Variants in ACTN4 observed in about 807,000 individuals in gnomAD.
ACTN4 encodes alpha-actinin-4.
Under a neutral mutation model 114.2 loss-of-function variants are expected in ACTN4, and 18 were observed. The ratio of observed to expected loss-of-function variants is 0.16; its 90% CI spans 0.11 to 0.23. ACTN4 has a LOEUF of 0.23. ACTN4 is among the 10% of genes least tolerant of loss of function. ACTN4 has a pLI of 1.00. For synonymous variants in ACTN4, 515 were observed against 506.3 expected (o/e 1.02, Z -0.23); for missense variants, 722 against 1,262.9 (o/e 0.57, Z 6.49).
chr19:38,664,421 G>C (rs766950274), intron 1 of ACTN4, among the ~76,000 whole-genome samples: 5 of 152,092 alleles, frequency 3.3e-5, no homozygotes, highest in Admixed American at 2.6e-4. Flanking sequence ...TTAGGGTAGC[G>C]GCGCTTGCCT....
chr19:38,726,116 T>C (rs1250236052), intron 17 of ACTN4, among the ~76,000 whole-genome samples: 1 of 152,064 alleles, frequency 6.6e-6, no homozygotes, highest in Non-Finnish European at 1.5e-5. Flanking sequence ...AGCAAGACCC[T>C]GTCTCTACAA....
At chr19:38,674,232 G>A (rs1224960350) in intron 1 of ACTN4, among the ~76,000 whole-genome samples, 2 of 152,078 alleles carry the variant, frequency 1.3e-5, no homozygotes, top group Non-Finnish European at 1.5e-5. Flanking sequence ...CCTCAGAGAA[G>A]GGAACACTGT....
intron 1 of ACTN4, among the ~76,000 whole-genome samples, chr19:38,668,969 G>C (rs1006202220): frequency 1.1e-4 from 17 of 152,206 alleles, no homozygotes; most frequent in East Asian, 3.9e-4. Context: ...CCCCAGGGCT[G>C]AGGAGTCACC....
Position 38,723,629 on chromosome 19 carries a change from C to T in ACTN4, c.1458C>T (p.Tyr486=), listed in dbSNP as rs372458891. The T allele has an allele frequency of 5.0e-5, 81 of 1,612,472 alleles. No individual in the cohort carries two copies. Among genetic ancestry groups the T allele is most frequent in the Non-Finnish European group, 6.3e-5 (74 of 1,179,380 alleles). Residue 486 remains tyrosine, a synonymous_variant, in exon 13 of 21, where the codon TAC becomes TAT. Transcript: ENST00000252699. ...CGGCCCGCAGCGAGCTGGATTACTA[C>T]GACTCCCACAATGTCAACACCCGGT... is the stretch of plus-strand genomic sequence containing the variant. ...IAQELNELDY[Y]DSHNVNTRCQ... is the part of the protein sequence containing the mutation.
chr19:38,705,659 C>G (rs189527119), intron 4 of ACTN4, among the ~76,000 whole-genome samples: 1 of 152,214 alleles, frequency 6.6e-6, no homozygotes, highest in Admixed American at 6.5e-5. Context: ...TCACCTTGTT[C>G]AAAAGAGGCC....
Position 38,717,484 on chromosome 19 carries a change from T to C in ACTN4, c.1143+168T>C, listed in dbSNP as rs1488065731. 6.6e-6 allele frequency among the ~76,000 whole-genome samples: 1 copy of C among 152,134 alleles called. No individual in the cohort carries two copies. Among genetic ancestry groups the C allele is most frequent in the Non-Finnish European group, 1.5e-5 (1 of 68,014 alleles). On this transcript the variant is annotated intron_variant, in intron 10 of 20. Transcript: ENST00000252699. This position sits in a 1 kb window ranked among gnomAD's most constrained non-coding sequence, Gnocchi z 4.0. The stretch of plus-strand genomic sequence containing the variant: ...GGGGAGGGGTGCACTTCACTCGGCA[T>C]TGTGCTCCCCTTTGGCCCTCACTCA...
chr19:38,654,388 C>G (rs1227851482), intron 1 of ACTN4, among the ~76,000 whole-genome samples: 1 of 151,762 alleles, frequency 6.6e-6, no homozygotes, highest in Non-Finnish European at 1.5e-5. Context: ...ATGGTGAAAC[C>G]CCATCTCTAC....
intron 17 of ACTN4, 71 bp downstream of exon 17, chr19:38,725,974 C>A: frequency 6.4e-7 from 1 of 1,574,210 alleles, no homozygotes; most frequent in Non-Finnish European, 8.7e-7. Flanking sequence ...TGGTTCGGGC[C>A]AGTGAGAAGA....
In ACTN4 at chr19:38,647,908, G is replaced by A. The variant is rs1976433248; in HGVS notation, c.162+1G>A. On this transcript the variant is annotated splice_donor_variant, in intron 1 of 20. Transcript: ENST00000252699. LOFTEE classifies it high-confidence loss of function. ...GGCCTGGGAGAAGCAGCAGCGCAAG[G>A]TGCGCGGCCCGCGGGCCGGACGGGC... The A allele has an allele frequency of 6.7e-7, 1 of 1,497,714 alleles. No homozygotes were observed. The highest frequency in any genetic ancestry group is 2.2e-5 in the Admixed American group (1 of 44,474). 92.8% of individuals were successfully genotyped at this position (1,497,714 alleles called of 1,614,324 possible).
chr19:38,663,671 A>T (rs563526948), intron 1 of ACTN4, among the ~76,000 whole-genome samples: 1 of 152,220 alleles, frequency 6.6e-6, no homozygotes, highest in South Asian at 2.1e-4. Flanking sequence ...GCCTCTTTGG[A>T]GTAGCGCTAC....
intron 1 of ACTN4, among the ~76,000 whole-genome samples, chr19:38,693,107 G>A (rs1034979127): frequency 1.3e-5 from 2 of 152,172 alleles, no homozygotes; most frequent in Non-Finnish European, 2.9e-5. Flanking sequence ...AGTGTACACG[G>A]CAGAAGAGGG....
At chr19:38,710,065 C>T (rs1968591434) in intron 7 of ACTN4, among the ~76,000 whole-genome samples, 192 bp from the exon 8 acceptor site, 1 of 152,126 alleles carries the variant, frequency 6.6e-6, no homozygotes, top group South Asian at 2.1e-4. Context: ...ATCCGCTTCC[C>T]ACAGCCTTGT....
Position 38,731,231 on chromosome 19 carries a change from G to A in ACTN4, c.*1799G>A, listed in dbSNP as rs1424105644. 2 of 1,610,888 alleles carry A rather than the reference G, an allele frequency of 1.2e-6. No homozygotes were observed. Among genetic ancestry groups the A allele is most frequent in the Non-Finnish European group, 1.7e-6 (2 of 1,178,908 alleles). On this transcript the variant is annotated 3_prime_UTR_variant, in exon 21 of 21. Coordinates refer to ENST00000252699, the MANE Select transcript of ACTN4 (RefSeq NM_004924.6). ...GGTTGTTCAGGTGGAAGCCTAGGGG[G>A]AGGCTGCTTCTGAGCCCAGTGGCCC...
At chr19:38,684,726 T>G (rs1967687701) in intron 1 of ACTN4, among the ~76,000 whole-genome samples, 1 of 152,230 alleles carries the variant, frequency 6.6e-6, no homozygotes, top group Admixed American at 6.5e-5. Context: ...AATTACTCTT[T>G]GGCTATAGAA....
At chr19:38,654,561 C>CAAAA (rs35967763) in intron 1 of ACTN4, among the ~76,000 whole-genome samples, 7 of 96,340 alleles carry the variant, frequency 7.3e-5, no homozygotes, top group Non-Finnish European at 1.5e-4. Flanking sequence ...GGCTCCGTCT[C>CAAAA]AAAAAAAAAA....
At chr19:38,719,270 A>C (rs1030395867) in intron 11 of ACTN4, among the ~76,000 whole-genome samples, 4 of 152,062 alleles carry the variant, frequency 2.6e-5, no homozygotes, top group African/African-American at 7.2e-5. Flanking sequence ...CCTTCCCAAC[A>C]CAGTCTCCCT....
At chr19:38,667,977 G>A (rs1421866298) in intron 1 of ACTN4, among the ~76,000 whole-genome samples, 1 of 152,226 alleles carries the variant, frequency 6.6e-6, no homozygotes. Context: ...TACGGCGGAA[G>A]GCAGTCAGAA....
chr19:38,688,424 AGCTGGACATGGTGGTGGGC>A, intron 1 of ACTN4, among the ~76,000 whole-genome samples: 1 of 149,166 alleles, frequency 6.7e-6, no homozygotes, highest in Non-Finnish European at 1.5e-5. Context: ...CACAAAAATT[AGCTGGACATGGTGGTGGGC>A]GCCTGTTGTC....
chr19:38,658,286 G>A (rs1034716650), intron 1 of ACTN4, among the ~76,000 whole-genome samples: 2 of 152,250 alleles, frequency 1.3e-5, no homozygotes, highest in Admixed American at 6.5e-5. Context: ...TTCTCTAGGA[G>A]TTTGGAACTG....
Sources: gnomAD v4.1 joint callset for allele counts (sites outside exome capture counted in the v4.1 genomes callset) on GRCh38, gnomAD v4.1.1 for gene constraint, Gnocchi (gnomAD v3.1) non-coding constraint, MANE v1.5 for transcripts, NCBI Gene and HGNC (gene_info 2026-07-23, HGNC 2026-07-21) for gene names.